Variants in SLC2A13 observed in about 807,000 individuals in gnomAD.
SLC2A13 encodes solute carrier family 2 member 13, also known as proton myo-inositol cotransporter.
Under a neutral mutation model 64.4 loss-of-function variants are expected in SLC2A13, and 32 were observed. That is an observed-to-expected ratio of 0.50 (90% CI 0.37 to 0.67). The LOEUF (loss-of-function observed/expected upper bound fraction) is 0.67. SLC2A13 is among the 30% of genes least tolerant of loss of function. The pLI is 0.00. For missense variants in SLC2A13, 743 were observed against 829.2 expected, an observed-to-expected ratio of 0.90 and a Z score of 1.28; for synonymous variants, 338 against 327.1, an observed-to-expected ratio of 1.03 and a Z score of -0.36.
chr12:39,987,596 C>G (rs575585524), intron 3 of SLC2A13, among the ~76,000 whole-genome samples: 3 of 152,266 alleles, frequency 2.0e-5, no homozygotes, highest in African/African-American at 7.2e-5. Context: ...TAGAAGGTAC[C>G]TGAGACCATG....
chr12:39,832,111 T>G (rs1188491530), intron 6 of SLC2A13, among the ~76,000 whole-genome samples: 1 of 152,110 alleles, frequency 6.6e-6, no homozygotes, highest in Non-Finnish European at 1.5e-5. Flanking sequence ...TCAAATGTAC[T>G]GAGAGGTGAT....
intron 5 of SLC2A13, 37 bp from the exon 6 acceptor site, chr12:39,864,919 A>G: frequency 1.3e-6 from 2 of 1,583,010 alleles, no homozygotes; most frequent in Non-Finnish European, 1.7e-6. Flanking sequence ...AGAAGAGTTG[A>G]CAATATTGTT....
At chr12:39,844,279 T>C (rs1450751072) in intron 6 of SLC2A13, among the ~76,000 whole-genome samples, 2 of 152,202 alleles carry the variant, frequency 1.3e-5, no homozygotes, top group Middle Eastern at 3.4e-3. Flanking sequence ...ATAGGGTAGA[T>C]AGACAGTCCT....
chr12:39,976,871 T>TTAAGA (rs1439051319), intron 3 of SLC2A13, among the ~76,000 whole-genome samples: 2 of 152,178 alleles, frequency 1.3e-5, no homozygotes, highest in African/African-American at 4.8e-5. Context: ...GGCCTTATCA[T>TTAAGA]TAAGATAAAA....
chr12:40,039,860 T>C (rs1948056599), intron 2 of SLC2A13, among the ~76,000 whole-genome samples: 1 of 152,210 alleles, frequency 6.6e-6, no homozygotes, highest in African/African-American at 2.4e-5. Context: ...TCACTCTTGG[T>C]GCTATATAGT....
intron 4 of SLC2A13, among the ~76,000 whole-genome samples, chr12:39,941,794 T>C (rs1048560231): frequency 2.0e-5 from 3 of 152,238 alleles, no homozygotes; most frequent in African/African-American, 7.2e-5. Flanking sequence ...TAAGCCAGTG[T>C]CTTGAAGGGT....
rs535491295 is a variant in SLC2A13, at chr12:40,103,320, C to T, written c.556+1933G>A. On this transcript the variant is annotated intron_variant, in intron 1 of 9. Transcript: ENST00000280871. Reference sequence around the variant, plus strand: ...GTTAAAATACTGACATGTCAACATACCATTTCCATTGGTAAGAGCTTCTGG... The same window carrying T: ...GTTAAAATACTGACATGTCAACATATCATTTCCATTGGTAAGAGCTTCTGG... Among the ~76,000 whole-genome samples, 98 of 152,304 alleles carry T rather than the reference C, an allele frequency of 6.4e-4. 1 individual carries two copies. The highest frequency in any genetic ancestry group is 6.8e-3 in the Middle Eastern group (2 of 294).
At chr12:39,853,831 G>T (rs1943532087) in intron 6 of SLC2A13, among the ~76,000 whole-genome samples, 1 of 151,926 alleles carries the variant, frequency 6.6e-6, no homozygotes, top group Admixed American at 6.6e-5. Context: ...AAGGAACTTT[G>T]GCCACTAAAT....
Position 39,829,809 on chromosome 12 carries a change from GA to G in SLC2A13, c.1445+293del. The stretch of plus-strand genomic sequence containing the variant: ...TGCAATTAAACAATATGCAGTGGGA[GA>G]AATTGCCTTGGCAGTATTTGTGAAT... On this transcript the variant is annotated intron_variant, in intron 7 of 9. Coordinates refer to ENST00000280871, the MANE Select transcript of SLC2A13 (RefSeq NM_052885.4). 1.1e-5 allele frequency: 4 copies of G among 357,774 alleles called. No individual in the cohort carries two copies. The Admixed American group carries it at 1.6e-4, about 14-fold the overall frequency. The allele number at this position is 357,774 out of a possible 1,614,324, so 22.2% of individuals were successfully genotyped here. A position where few individuals can be genotyped will look rare whatever the true frequency, so the allele number is the denominator to read the frequency against.
chr12:40,103,371 C>T (rs892234734), intron 1 of SLC2A13, among the ~76,000 whole-genome samples: 2 of 152,150 alleles, frequency 1.3e-5, no homozygotes, highest in African/African-American at 4.8e-5. Flanking sequence ...GATAACTGTA[C>T]CCCCTCTGAA....
At chr12:39,941,983 A>C (rs1353571670) in intron 4 of SLC2A13, among the ~76,000 whole-genome samples, 1 of 152,074 alleles carries the variant, frequency 6.6e-6, no homozygotes, top group East Asian at 1.9e-4. Context: ...TCTCCACTTT[A>C]TGTTTTTGTT....
intron 7 of SLC2A13, among the ~76,000 whole-genome samples, chr12:39,807,198 G>C (rs139053066): frequency 3.0e-4 from 46 of 152,338 alleles, no homozygotes; most frequent in African/African-American, 9.4e-4. Context: ...GTTAAGGACA[G>C]GGCCACGTAG....
intron 6 of SLC2A13, among the ~76,000 whole-genome samples, chr12:39,834,104 T>A (rs1053755843): frequency 1.3e-5 from 2 of 152,040 alleles, no homozygotes; most frequent in African/African-American, 4.8e-5. Flanking sequence ...AATATATAGT[T>A]TTCCCTGGGT....
chr12:39,988,408 A>G (rs761393364), intron 3 of SLC2A13, among the ~76,000 whole-genome samples: 72 of 151,898 alleles, frequency 4.7e-4, no homozygotes, highest in Non-Finnish European at 8.5e-4. Flanking sequence ...TCATATATCT[A>G]TTAGTCAGAT....
intron 2 of SLC2A13, among the ~76,000 whole-genome samples, chr12:40,032,555 C>T (rs1460146975): frequency 6.6e-6 from 1 of 152,212 alleles, no homozygotes; most frequent in Non-Finnish European, 1.5e-5. Flanking sequence ...ACCAATTTCA[C>T]CTCAGGTTAA....
chr12:40,020,920 G>GTTT (rs59809594), intron 3 of SLC2A13, among the ~76,000 whole-genome samples: 2 of 143,574 alleles, frequency 1.4e-5, no homozygotes, highest in African/African-American at 2.5e-5. Flanking sequence ...TACCTTGTGG[G>GTTT]TTTTTTTTTT....
intron 6 of SLC2A13, among the ~76,000 whole-genome samples, chr12:39,857,822 T>C (rs1943646603): frequency 6.6e-6 from 1 of 152,190 alleles, no homozygotes; most frequent in Non-Finnish European, 1.5e-5. Context: ...GAAGAAGCCA[T>C]ACTCCCTGCT....
intron 4 of SLC2A13, among the ~76,000 whole-genome samples, chr12:39,897,395 T>A (rs1197997885): frequency 2.6e-5 from 4 of 152,142 alleles, no homozygotes; most frequent in African/African-American, 4.8e-5. Context: ...AATTCCCAAC[T>A]GCCTACCCCA....
intron 3 of SLC2A13, among the ~76,000 whole-genome samples, chr12:40,026,457 A>G (rs1031016644): frequency 1.2e-4 from 19 of 152,218 alleles, no homozygotes; most frequent in Admixed American, 1.3e-4. Flanking sequence ...TATGTACCCC[A>G]GATTTCTTTA....
Sources: allele counts gnomAD v4.1 joint callset (sites outside exome capture counted in the v4.1 genomes callset), GRCh38; gene constraint gnomAD v4.1.1; transcripts MANE v1.5; gene names NCBI Gene and HGNC (gene_info 2026-07-23, HGNC 2026-07-21).